DAB1: variants seen among roughly 807,000 people sequenced by gnomAD.
DAB1 encodes disabled homolog 1.
A neutral mutation model predicts 64.6 loss-of-function variants in DAB1; 15 were observed. The ratio of observed to expected loss-of-function variants is 0.23; its 90% confidence interval spans 0.16 to 0.36. The LOEUF (loss-of-function observed/expected upper bound fraction) is 0.36. Among genes scored for constraint, DAB1 ranks in the 10% least tolerant of loss-of-function variants. DAB1 has a pLI of 1.00. For synonymous variants in DAB1, 235 were observed against 251.9 expected (o/e 0.93, Z 0.64); for missense variants, 596 against 706.7 (o/e 0.84, Z 1.78).
Position 58,457,725 on chromosome 1 carries a change from T to A in DAB1, n.257+48335A>T, listed in dbSNP as rs557837739. ...GAGTGGGGGTGAGGGCTTCCTGTCC[T>A]CTGTGGCCCATTAAAGATGTAGGAG... is the stretch of plus-strand genomic sequence containing the variant. On this transcript the variant is annotated intron_variant and non_coding_transcript_variant, in intron 3 of 20. Transcript: ENST00000485760. Among the ~76,000 whole-genome samples the A allele has an allele frequency of 1.1e-4, 17 of 152,334 alleles. 1 individual carries two copies. In the South Asian group the frequency reaches 3.5e-3, roughly 32 times the overall value.
At chr1:57,781,055 G>A (rs1482135624) in intron 6 of DAB1, among the ~76,000 whole-genome samples, 3 of 110,630 alleles carry the variant, frequency 2.7e-5, no homozygotes, top group African/African-American at 9.8e-5. Flanking sequence ...CCAATCTTTT[G>A]TTCTATGCAT....
At chr1:58,051,744 C>T (rs557577903) in intron 5 of DAB1, among the ~76,000 whole-genome samples, 3 of 152,320 alleles carry the variant, frequency 2.0e-5, no homozygotes, top group South Asian at 2.1e-4. Flanking sequence ...GCCATTCTAA[C>T]TGGCATGAGA....
chr1:58,225,121 A>C (rs1293153339), intron 4 of DAB1, among the ~76,000 whole-genome samples: 1 of 151,638 alleles, frequency 6.6e-6, no homozygotes, highest in African/African-American at 2.4e-5. Context: ...ACAAGAAAAA[A>C]ACAAACAACC....
intron 4 of DAB1, among the ~76,000 whole-genome samples, chr1:58,188,189 A>C (rs533854543): frequency 6.6e-6 from 1 of 152,312 alleles, no homozygotes; most frequent in East Asian, 1.9e-4. Context: ...GATTACAGGC[A>C]TAAGCCACCA....
chr1:57,367,125 A>AATAAATAAG (rs1680120858), intron 1 of DAB1, among the ~76,000 whole-genome samples: 3 of 150,370 alleles, frequency 2.0e-5, no homozygotes, highest in Admixed American at 6.6e-5. Context: ...AAATAAATAA[A>AATAAATAAG]TTAGCCAGGC....
At chr1:58,296,093 C>CA (rs796336928) in intron 4 of DAB1, among the ~76,000 whole-genome samples, 4,740 of 14,600 alleles carry the variant, frequency 0.32, 686 homozygotes, top group African/African-American at 0.46. Flanking sequence ...GACTCTGTCT[C>CA]AAAAAAAAAA....
At chr1:57,559,315 A>C (rs1171976192) in intron 7 of DAB1, among the ~76,000 whole-genome samples, 1 of 152,182 alleles carries the variant, frequency 6.6e-6, no homozygotes, top group Non-Finnish European at 1.5e-5. Flanking sequence ...ACAGTCTCTC[A>C]ATTTCCAGAC....
chr1:57,631,672 T>C (rs1045664139), intron 7 of DAB1, among the ~76,000 whole-genome samples: 2 of 152,230 alleles, frequency 1.3e-5, no homozygotes, highest in Non-Finnish European at 2.9e-5. Flanking sequence ...AAATTTTGTG[T>C]ACTTTCAAAA....
chr1:57,140,188 C>T (rs536376554), intron 3 of DAB1, among the ~76,000 whole-genome samples: 50 of 152,270 alleles, frequency 3.3e-4, no homozygotes, highest in Non-Finnish European at 6.0e-4. Flanking sequence ...CTGTGCCTGA[C>T]ATTAGCCACC....
chr1:57,768,175 T>A (rs1175822682), intron 6 of DAB1, among the ~76,000 whole-genome samples: 8 of 96,792 alleles, frequency 8.3e-5, no homozygotes, highest in South Asian at 8.6e-4. Context: ...AGAATCTGTC[T>A]AAAAAAAAAA....
chr1:58,321,969 C>T (rs1226512671), intron 4 of DAB1, among the ~76,000 whole-genome samples: 3 of 152,232 alleles, frequency 2.0e-5, no homozygotes, highest in Non-Finnish European at 4.4e-5. Flanking sequence ...TCAAGTAGGT[C>T]CCTGACCCCT....
chr1:57,794,586 C>A (rs1439085002), intron 6 of DAB1, among the ~76,000 whole-genome samples: 1 of 152,182 alleles, frequency 6.6e-6, no homozygotes, highest in Non-Finnish European at 1.5e-5. Context: ...GCACTTCTTG[C>A]CACATGCCTC....
intron 6 of DAB1, among the ~76,000 whole-genome samples, chr1:57,785,023 G>A (rs1379376502): frequency 2.6e-5 from 4 of 152,140 alleles, no homozygotes; most frequent in African/African-American, 9.7e-5. Flanking sequence ...ACTTTAAGTT[G>A]AAACCAATAC....
At chr1:57,133,134 T>C (rs1303889702) in intron 4 of DAB1, among the ~76,000 whole-genome samples, 1 of 152,202 alleles carries the variant, frequency 6.6e-6, no homozygotes, top group Non-Finnish European at 1.5e-5. Flanking sequence ...TAAGTAAGTG[T>C]TGGCTCATTC....
chr1:58,404,879 C>G (rs1276053208), intron 3 of DAB1, among the ~76,000 whole-genome samples: 1 of 152,164 alleles, frequency 6.6e-6, no homozygotes, highest in Non-Finnish European at 1.5e-5. Context: ...TTCCCTGTCT[C>G]TCCTTGTTTT....
chr1:58,369,434 T>G (rs193274195), intron 3 of DAB1, among the ~76,000 whole-genome samples: 1 of 152,358 alleles, frequency 6.6e-6, no homozygotes, highest in Admixed American at 6.5e-5. Flanking sequence ...TTTTATAGTT[T>G]AACAGACTGT....
At chr1:57,612,273 G>T (rs1195169030) in intron 7 of DAB1, among the ~76,000 whole-genome samples, 2 of 151,840 alleles carry the variant, frequency 1.3e-5, no homozygotes, top group Admixed American at 1.3e-4. Flanking sequence ...TGTCCCTGTA[G>T]TAGGGTAAAT....
At chr1:57,766,114 C>T (rs565040830) in intron 6 of DAB1, among the ~76,000 whole-genome samples, 3 of 152,020 alleles carry the variant, frequency 2.0e-5, no homozygotes, top group African/African-American at 7.2e-5. Flanking sequence ...AAATTTGTCA[C>T]CTCTGTCATC....
intron 4 of DAB1, among the ~76,000 whole-genome samples, chr1:58,276,212 G>A (rs1177092693): frequency 1.3e-5 from 2 of 152,130 alleles, no homozygotes; most frequent in Non-Finnish European, 2.9e-5. Flanking sequence ...TTTGCAAGAT[G>A]AAAAAGTTCT....
Sources: allele counts gnomAD v4.1 joint callset (sites outside exome capture counted in the v4.1 genomes callset), GRCh38; gene constraint gnomAD v4.1.1; transcripts MANE v1.5; gene names NCBI Gene and HGNC (gene_info 2026-07-23, HGNC 2026-07-21).